NEMP2: variants seen among roughly 807,000 people sequenced by gnomAD.
NEMP2 encodes the protein nuclear envelope integral membrane protein 2.
In NEMP2, 53 loss-of-function variants were observed where a neutral mutation model predicts 54.2. That is an observed-to-expected ratio of 0.98 (90% CI 0.78 to 1.23). NEMP2 has a LOEUF of 1.23. NEMP2 is among the 50% of genes most tolerant of loss of function. The pLI is 0.00. For missense variants in NEMP2, 455 were observed against 511.3 expected (o/e 0.89, Z 1.06); for synonymous variants, 197 against 190.3 (o/e 1.04, Z -0.29).
chr2:190,438,859 G>GT, the NEMP2 span, among the ~76,000 whole-genome samples: 1 of 152,100 alleles, frequency 6.6e-6, no homozygotes, highest in Admixed American at 6.6e-5. This position sits in a 1 kb window ranked among gnomAD's most constrained non-coding sequence, Gnocchi z 5.2. Flanking sequence ...TTTCAACCTA[G>GT]TATCAACCAT....
chr2:190,634,263 C>T, the NEMP2 span, among the ~76,000 whole-genome samples: 1 of 152,082 alleles, frequency 6.6e-6, no homozygotes, highest in African/African-American at 2.4e-5. The surrounding 1 kb of genome is among the most constrained non-coding windows in gnomAD (Gnocchi z 6.8). Context: ...CTGTAAATTC[C>T]ATCCTTAATG....
chr2:190,482,868 C>CTTTTTTTTTTTTTTTTTTTTTTTTTTTT, the NEMP2 span, among the ~76,000 whole-genome samples: 1 of 48,292 alleles, frequency 2.1e-5, no homozygotes, highest in Non-Finnish European at 3.8e-5. Flanking sequence ...AGACTATCAT[C>CTTTTTTTTTTTTTTTTTTTTTTTTTTTT]TTTTTTTTTT....
the NEMP2 span, among the ~76,000 whole-genome samples, chr2:190,547,742 G>A: frequency 4.6e-5 from 7 of 151,994 alleles, no homozygotes; most frequent in East Asian, 1.2e-3. This position sits in a 1 kb window ranked among gnomAD's most constrained non-coding sequence, Gnocchi z 6.2. Context: ...CATCATGTTG[G>A]CCAGGCTAGT....
chr2:190,487,460 A>G, the NEMP2 span, among the ~76,000 whole-genome samples: 1 of 152,250 alleles, frequency 6.6e-6, no homozygotes, highest in Non-Finnish European at 1.5e-5. The surrounding 1 kb of genome is among the most constrained non-coding windows in gnomAD (Gnocchi z 5.5). Context: ...CCATGATGCT[A>G]ATTATAATGG....
chr2:190,436,654 T>C, the NEMP2 span: 1 of 1,614,182 alleles, frequency 6.2e-7, no homozygotes, highest in Non-Finnish European at 8.5e-7. The surrounding 1 kb of genome is among the most constrained non-coding windows in gnomAD (Gnocchi z 5.3). Context: ...GCTCAATGTC[T>C]CAGACACCGT....
At chr2:190,497,823 G>A in the NEMP2 span, 1 of 1,345,964 alleles carries the variant, frequency 7.4e-7, no homozygotes, top group African/African-American at 1.5e-5. This position sits in a 1 kb window ranked among gnomAD's most constrained non-coding sequence, Gnocchi z 5.2. Flanking sequence ...TTTATTGAAA[G>A]TCTGGTGGGG....
the NEMP2 span, among the ~76,000 whole-genome samples, chr2:190,622,967 C>A: frequency 6.6e-6 from 1 of 151,946 alleles, no homozygotes. Context: ...CTAGAACAGA[C>A]AAACCAATTC....
At chr2:190,620,484 G>A in the NEMP2 span, 1 of 152,132 alleles carries the variant, frequency 6.6e-6, no homozygotes, top group African/African-American at 2.4e-5. This position sits in a 1 kb window ranked among gnomAD's most constrained non-coding sequence, Gnocchi z 4.9. Flanking sequence ...GTCTCTAGTG[G>A]GCATTGTTTC....
At chr2:190,536,844 A>G (rs1691392564), upstream of NEMP2, among the ~76,000 whole-genome samples, 1 of 152,170 alleles carries the variant, frequency 6.6e-6, no homozygotes, top group South Asian at 2.1e-4. Context: ...ACAAAACCCA[A>G]ATTCAGCACA....
chr2:190,486,210 A>T, the NEMP2 span, among the ~76,000 whole-genome samples: 1 of 152,230 alleles, frequency 6.6e-6, no homozygotes, highest in African/African-American at 2.4e-5. Context: ...CCTAGGAATC[A>T]TGAGTTGTTC....
intron 5 of NEMP2, among the ~76,000 whole-genome samples, chr2:190,516,786 GTGTGT>G (rs1451402203): frequency 6.6e-6 from 1 of 152,172 alleles, no homozygotes; most frequent in African/African-American, 2.4e-5. Flanking sequence ...ACTAAGTTCA[GTGTGT>G]TATTTTATTG....
the NEMP2 span, among the ~76,000 whole-genome samples, chr2:190,490,264 A>T: frequency 5.0e-5 from 4 of 80,296 alleles, no homozygotes; most frequent in African/African-American, 7.2e-5. This position sits in a 1 kb window ranked among gnomAD's most constrained non-coding sequence, Gnocchi z 4.5. Flanking sequence ...TTCATTTGTT[A>T]AAAAAAAAAA....
chr2:190,547,266 T>A, the NEMP2 span, among the ~76,000 whole-genome samples: 16 of 152,196 alleles, frequency 1.1e-4, no homozygotes, highest in Non-Finnish European at 1.9e-4. This position sits in a 1 kb window ranked among gnomAD's most constrained non-coding sequence, Gnocchi z 6.2. Context: ...ATGGTGATAT[T>A]TTTGACAGCT....
At chr2:190,646,070 G>C in the NEMP2 span, among the ~76,000 whole-genome samples, 1 of 152,184 alleles carries the variant, frequency 6.6e-6, no homozygotes, top group East Asian at 1.9e-4. Context: ...CAATATACAG[G>C]TATTTATAAT....
the NEMP2 span, among the ~76,000 whole-genome samples, chr2:190,496,551 T>C: frequency 1.1e-4 from 17 of 152,168 alleles, no homozygotes; most frequent in African/African-American, 3.9e-4. The surrounding 1 kb of genome is among the most constrained non-coding windows in gnomAD (Gnocchi z 4.7). Flanking sequence ...AGCATCACAA[T>C]TGCAAAAATG....
chr2:190,572,148 A>G, the NEMP2 span, among the ~76,000 whole-genome samples: 1 of 152,196 alleles, frequency 6.6e-6, no homozygotes, highest in Non-Finnish European at 1.5e-5. Context: ...TCCTTCCAGA[A>G]AAGCAATATT....
the NEMP2 span, among the ~76,000 whole-genome samples, chr2:190,485,096 A>G: frequency 6.6e-6 from 1 of 152,192 alleles, no homozygotes; most frequent in Non-Finnish European, 1.5e-5. The surrounding 1 kb of genome is among the most constrained non-coding windows in gnomAD (Gnocchi z 5.1). Flanking sequence ...ATAGTTTAAA[A>G]GCATCCTGAC....
At chr2:190,497,463 T>C in the NEMP2 span, 1 of 1,614,154 alleles carries the variant, frequency 6.2e-7, no homozygotes, top group Non-Finnish European at 8.5e-7. This position sits in a 1 kb window ranked among gnomAD's most constrained non-coding sequence, Gnocchi z 5.2. Flanking sequence ...GCAGAAAGAA[T>C]TCCTGTTCCC....
chr2:190,589,663 G>A, the NEMP2 span, among the ~76,000 whole-genome samples: 1 of 152,138 alleles, frequency 6.6e-6, no homozygotes, highest in Admixed American at 6.5e-5. This position sits in a 1 kb window ranked among gnomAD's most constrained non-coding sequence, Gnocchi z 4.3. Flanking sequence ...GGCTGCTGTG[G>A]CTGTTCAACC....
Sources: gnomAD v4.1 joint callset for allele counts (sites outside exome capture counted in the v4.1 genomes callset) on GRCh38, gnomAD v4.1.1 for gene constraint, Gnocchi (gnomAD v3.1) non-coding constraint, MANE v1.5 for transcripts, NCBI Gene and HGNC (gene_info 2026-07-23, HGNC 2026-07-21) for gene names.